HELZ: variants seen among roughly 807,000 people sequenced by gnomAD.
The protein encoded by HELZ is helicase with zinc finger.
Under a neutral mutation model 218.2 loss-of-function variants are expected in HELZ, and 23 were observed. The observed-to-expected ratio is 0.11, with a 90% CI of 0.08 to 0.15. HELZ has a LOEUF of 0.15. HELZ is among the 10% of genes least tolerant of loss of function. The pLI is 1.00. For synonymous variants in HELZ, 814 were observed against 829.4 expected, an observed-to-expected ratio of 0.98 and a Z score of 0.32; for missense variants, 1,813 against 2,353.7, an observed-to-expected ratio of 0.77 and a Z score of 4.75.
At chr17:67,100,190 G>C (rs1300028881) in intron 31 of HELZ, among the ~76,000 whole-genome samples, 1 of 152,136 alleles carries the variant, frequency 6.6e-6, no homozygotes, top group Non-Finnish European at 1.5e-5. Context: ...ACGATGATTA[G>C]ACAACAGTAT....
In HELZ at chr17:67,128,256, T is replaced by C. The variant is rs75417326; in HGVS notation, c.3387+395A>G. ...TAAAGGTTCAGAATTATTTGCTTTA[T>C]ACAAATATCGTTATTATAACATTAT... On this transcript the variant is annotated intron_variant, in intron 24 of 32. Transcript: ENST00000358691. Among the ~76,000 whole-genome samples the C allele has an allele frequency of 6.4e-3, 971 of 152,348 alleles. 10 individuals carry two copies. Among genetic ancestry groups the C allele is most frequent in the African/African-American group, 0.022 (926 of 41,588 alleles).
At position 67,124,153 on chromosome 17, in the gene HELZ, C is replaced by A. The variant is rs554798637; in HGVS notation, c.3388-139G>T. 9 of 560,034 alleles carry A rather than the reference C, an allele frequency of 1.6e-5. No homozygotes were observed. In the African/African-American group the frequency reaches 1.8e-4, roughly 11 times the overall value. The allele number at this position is 560,034 out of a possible 1,614,324, so 34.7% of individuals were successfully genotyped here. On this transcript the variant is annotated intron_variant, in intron 24 of 32. Transcript: ENST00000358691. ...AAACTGTGAGTCTATAATTAATAACCATTAGACTGCTTTGAGCCAATTTTC... is the reference window on the plus strand; with the variant it reads ...AAACTGTGAGTCTATAATTAATAACAATTAGACTGCTTTGAGCCAATTTTC...
intron 16 of HELZ, 113 bp downstream of exon 16, chr17:67,160,784 T>A: frequency 1.3e-6 from 1 of 741,266 alleles, no homozygotes; most frequent in Non-Finnish European, 2.0e-6. Context: ...TCTCTTTTTT[T>A]CATGTTTAAG....
At chr17:67,120,199 T>C (rs2037563531) in intron 27 of HELZ, among the ~76,000 whole-genome samples, 1 of 151,688 alleles carries the variant, frequency 6.6e-6, no homozygotes, top group African/African-American at 2.4e-5. Flanking sequence ...AGAGATGGGA[T>C]TTCACCGTGT....
intron 13 of HELZ, among the ~76,000 whole-genome samples, chr17:67,177,812 ATATC>A (rs1317387840): frequency 3.9e-5 from 6 of 152,132 alleles, no homozygotes; most frequent in Admixed American, 3.9e-4. Context: ...GGTGACCAAA[ATATC>A]TATAAGTTTT....
chr17:67,085,701 G>A (rs1279118082), intron 32 of HELZ, among the ~76,000 whole-genome samples: 2 of 151,888 alleles, frequency 1.3e-5, no homozygotes, highest in Non-Finnish European at 2.9e-5. Context: ...TGATGTTACT[G>A]GGCAAAAATT....
At chr17:67,114,530 A>G in intron 27 of HELZ, 127 bp from the exon 28 acceptor site, 1 of 569,952 alleles carries the variant, frequency 1.8e-6, no homozygotes, top group South Asian at 2.6e-5. Context: ...TCAGTGTATG[A>G]CTACTTGGGT....
intron 12 of HELZ, among the ~76,000 whole-genome samples, chr17:67,180,807 G>A (rs2039586828): frequency 1.3e-5 from 2 of 151,480 alleles, no homozygotes; most frequent in Non-Finnish European, 2.9e-5. Context: ...GAACCCGGAA[G>A]GCGGAGCTTG....
chr17:67,150,605 A>C (rs949523380), intron 18 of HELZ, among the ~76,000 whole-genome samples: 22 of 152,234 alleles, frequency 1.4e-4, no homozygotes, highest in African/African-American at 4.8e-4. Flanking sequence ...TCATCTCTAC[A>C]GTATATAATG....
At chr17:67,195,331 T>C (rs1475060963) in intron 8 of HELZ, 88 bp downstream of exon 8, 9 of 799,936 alleles carry the variant, frequency 1.1e-5, no homozygotes, top group Non-Finnish European at 2.0e-5. Flanking sequence ...TTATATGTAC[T>C]GTAACTCAGT....
chr17:67,221,207 T>C (rs992793772), intron 3 of HELZ, among the ~76,000 whole-genome samples: 13 of 152,218 alleles, frequency 8.5e-5, no homozygotes, highest in African/African-American at 3.1e-4. Flanking sequence ...CTGTGCATTG[T>C]AGGTTATTGA....
At chr17:67,102,617 T>C (rs934755784) in intron 31 of HELZ, among the ~76,000 whole-genome samples, 1 of 152,138 alleles carries the variant, frequency 6.6e-6, no homozygotes, top group South Asian at 2.1e-4. Flanking sequence ...TTTTAAAAGG[T>C]TGGAAATAAA....
chr17:67,196,551 C>G (rs914319486), intron 7 of HELZ, among the ~76,000 whole-genome samples: 1 of 148,920 alleles, frequency 6.7e-6, no homozygotes, highest in Non-Finnish European at 1.5e-5. Flanking sequence ...GGTGGATAAA[C>G]AGATAGATGG....
At chr17:67,120,773 A>C (rs558063578) in intron 26 of HELZ, among the ~76,000 whole-genome samples, 161 bp from the exon 27 acceptor site, 1 of 152,348 alleles carries the variant, frequency 6.6e-6, no homozygotes, top group African/African-American at 2.4e-5. Flanking sequence ...GTTGATGCTA[A>C]TACTAACAAT....
chr17:67,158,422 T>C (rs1315944991), intron 17 of HELZ, among the ~76,000 whole-genome samples: 1 of 152,226 alleles, frequency 6.6e-6, no homozygotes, highest in Non-Finnish European at 1.5e-5. Context: ...TTAGAAAAAT[T>C]ATAAATTAAT....
At chr17:67,195,857 T>C (rs1253723193) in intron 7 of HELZ, among the ~76,000 whole-genome samples, 45 of 147,522 alleles carry the variant, frequency 3.1e-4, no homozygotes, top group African/African-American at 1.1e-3. Context: ...TTTTTCTTTT[T>C]TTTTTTTTTT....
At chr17:67,228,707 C>CATTATTATTATT (rs375631612) in intron 3 of HELZ, among the ~76,000 whole-genome samples, 1,944 of 147,500 alleles carry the variant, frequency 0.013, 21 homozygotes, top group East Asian at 0.023. Context: ...CAAATTGATA[C>CATTATTATTATT]ATTATTATTA....
At chr17:67,245,520 G>A (rs2143559044), upstream of HELZ, 1 of 985,248 alleles carries the variant, frequency 1.0e-6, no homozygotes, top group Non-Finnish European at 1.2e-6. Context: ...ATCAACCCGA[G>A]GTTTCCTTGC....
At chr17:67,106,131 G>C (rs2037091682) in intron 31 of HELZ, among the ~76,000 whole-genome samples, 1 of 151,818 alleles carries the variant, frequency 6.6e-6, no homozygotes, top group Non-Finnish European at 1.5e-5. Flanking sequence ...ACTACAACCG[G>C]CTTTACACAT....
Sources: gnomAD v4.1 joint callset for allele counts (sites outside exome capture counted in the v4.1 genomes callset) on GRCh38, gnomAD v4.1.1 for gene constraint, MANE v1.5 for transcripts, NCBI Gene and HGNC (gene_info 2026-07-23, HGNC 2026-07-21) for gene names.